Variants in CAST observed in about 807,000 individuals in gnomAD.
The protein encoded by CAST is calpastatin, also known as MIR583 host.
A neutral mutation model predicts 119.6 loss-of-function variants in CAST; 76 were observed. That is an observed-to-expected ratio of 0.64 (90% CI 0.53 to 0.77). The LOEUF is 0.77. Ranked by LOEUF, CAST falls within the 30% of genes least tolerant of loss-of-function variation. The probability of loss-of-function intolerance (pLI) is 0.00; values close to 1 mark genes in which losing one functional copy is unlikely to be tolerated. For synonymous variants in CAST, 319 were observed against 331.6 expected, an observed-to-expected ratio of 0.96 and a Z score of 0.41; for missense variants, 953 against 946.5, an observed-to-expected ratio of 1.01 and a Z score of -0.09.
At chr5:96,084,052 G>A in the CAST span, among the ~76,000 whole-genome samples, 1 of 152,236 alleles carries the variant, frequency 6.6e-6, no homozygotes, top group Admixed American at 6.5e-5. Flanking sequence ...CTGGTGCATA[G>A]TAAGAACTAT....
chr5:96,078,389 C>T, the CAST span, among the ~76,000 whole-genome samples: 4 of 148,758 alleles, frequency 2.7e-5, no homozygotes, highest in African/African-American at 4.9e-5. Flanking sequence ...TCATGAACAT[C>T]TGATCAAGCT....
the CAST span, among the ~76,000 whole-genome samples, chr5:96,513,048 A>G: frequency 3.3e-5 from 5 of 152,224 alleles, no homozygotes; most frequent in Non-Finnish European, 5.9e-5. Context: ...ACTTGGGGAC[A>G]GAAAATCTGC....
intron 1 of CAST, among the ~76,000 whole-genome samples, chr5:96,637,267 T>G (rs950611675): frequency 6.6e-6 from 1 of 152,212 alleles, no homozygotes; most frequent in Admixed American, 6.5e-5. Flanking sequence ...TAAGGGGTAG[T>G]TCCATTTCAC....
At chr5:96,119,971 T>A in the CAST span, among the ~76,000 whole-genome samples, 1 of 152,202 alleles carries the variant, frequency 6.6e-6, no homozygotes, top group Non-Finnish European at 1.5e-5. Context: ...ATCACCAGTA[T>A]CTTTTTACTG....
intron 20 of CAST, 140 bp from the exon 21 acceptor site, chr5:96,753,920 A>G: frequency 3.3e-6 from 2 of 602,222 alleles, no homozygotes; most frequent in Non-Finnish European, 6.1e-6. Context: ...ATAGATTCTA[A>G]TTCAGTTGAT....
the CAST span, chr5:96,393,505 T>C: frequency 2.7e-6 from 3 of 1,110,526 alleles, no homozygotes; most frequent in Non-Finnish European, 4.0e-6. Flanking sequence ...GGGAGAGAGT[T>C]CAAGACTGGG....
chr5:96,697,900 T>A (rs941188680), intron 3 of CAST, among the ~76,000 whole-genome samples: 2 of 152,362 alleles, frequency 1.3e-5, no homozygotes, highest in South Asian at 4.1e-4. Context: ...TCTCCTGTGA[T>A]TGATCATGTT....
At chr5:96,203,735 A>G in the CAST span, among the ~76,000 whole-genome samples, 2 of 152,066 alleles carry the variant, frequency 1.3e-5, no homozygotes. Flanking sequence ...TTTTATCCAC[A>G]AACCCTCACA....
At chr5:96,656,645 A>G (rs1748162234) in intron 1 of CAST, among the ~76,000 whole-genome samples, 1 of 152,152 alleles carries the variant, frequency 6.6e-6, no homozygotes, top group African/African-American at 2.4e-5. Context: ...CCTCCCAATG[A>G]GGAAAGAAAA....
At chr5:96,360,784 A>G in the CAST span, among the ~76,000 whole-genome samples, 1 of 152,188 alleles carries the variant, frequency 6.6e-6, no homozygotes, top group African/African-American at 2.4e-5. Context: ...GCTGGGTGGT[A>G]TCTCCAAGTC....
chr5:96,487,975 C>T, the CAST span, among the ~76,000 whole-genome samples: 2 of 152,172 alleles, frequency 1.3e-5, no homozygotes, highest in African/African-American at 4.8e-5. Flanking sequence ...AACCTCCTCC[C>T]ATTGCTTTTA....
intron 1 of CAST, among the ~76,000 whole-genome samples, chr5:96,550,801 GGA>G (rs1746112220): frequency 6.6e-6 from 1 of 152,116 alleles, no homozygotes; most frequent in Non-Finnish European, 1.5e-5. Flanking sequence ...TCAATCAAGT[GGA>G]AGAAAGGATA....
At chr5:96,432,236 T>C in the CAST span, 11 of 947,806 alleles carry the variant, frequency 1.2e-5, no homozygotes, top group East Asian at 5.3e-5. Flanking sequence ...CGGGGATAGA[T>C]GGTCCCGTGT....
At chr5:95,975,909 C>T in the CAST span, among the ~76,000 whole-genome samples, 8 of 152,076 alleles carry the variant, frequency 5.3e-5, no homozygotes, top group Admixed American at 1.3e-4. Context: ...GGTCCCCTGA[C>T]GATAGCCAGG....
At chr5:96,224,076 G>A in the CAST span, among the ~76,000 whole-genome samples, 11 of 152,130 alleles carry the variant, frequency 7.2e-5, no homozygotes, top group Admixed American at 6.5e-4. Context: ...AGAGAAAAAG[G>A]ATATACATAA....
the CAST span, among the ~76,000 whole-genome samples, chr5:96,055,676 G>C: frequency 6.6e-6 from 1 of 152,050 alleles, no homozygotes; most frequent in Admixed American, 6.6e-5. Context: ...TAGATGAAAA[G>C]TTATTTAATA....
At chr5:96,167,890 G>A in the CAST span, among the ~76,000 whole-genome samples, 22 of 152,184 alleles carry the variant, frequency 1.4e-4, no homozygotes, top group Non-Finnish European at 3.2e-4. Context: ...TAGGGAAGTG[G>A]GTGGGGGGGC....
At chr5:96,314,466 A>G in the CAST span, among the ~76,000 whole-genome samples, 1 of 152,308 alleles carries the variant, frequency 6.6e-6, no homozygotes, top group African/African-American at 2.4e-5. Flanking sequence ...AAGCTGAGCA[A>G]ATGGGGCTCC....
chr5:96,081,389 G>C, the CAST span, among the ~76,000 whole-genome samples: 1 of 152,324 alleles, frequency 6.6e-6, no homozygotes, highest in South Asian at 2.1e-4. Context: ...GTCCCATAGA[G>C]CTCAGCATGG....
Sources: gnomAD v4.1 joint callset for allele counts (sites outside exome capture counted in the v4.1 genomes callset) on GRCh38, gnomAD v4.1.1 for gene constraint, MANE v1.5 for transcripts, NCBI Gene and HGNC (gene_info 2026-07-23, HGNC 2026-07-21) for gene names.